Variants in TSPAN16 observed in about 807,000 individuals in gnomAD.
TSPAN16 encodes the protein tetraspanin-16.
In TSPAN16, 23 loss-of-function variants were observed where a neutral mutation model predicts 25.2. The observed-to-expected ratio is 0.91, with a 90% CI of 0.66 to 1.29. The LOEUF (loss-of-function observed/expected upper bound fraction) is 1.29. TSPAN16 is among the 50% of genes most tolerant of loss of function. TSPAN16 has a pLI of 0.00. For synonymous variants in TSPAN16, 123 were observed against 124.4 expected, an observed-to-expected ratio of 0.99 and a Z score of 0.08; for missense variants, 272 against 299.9, an observed-to-expected ratio of 0.91 and a Z score of 0.69.
Position 11,296,202 on chromosome 19 carries a change from G to C in TSPAN16, c.-96G>C. On this transcript the variant is annotated 5_prime_UTR_variant, in exon 1 of 7. Coordinates refer to ENST00000590327, the MANE Select transcript of TSPAN16 (RefSeq NM_001282509.2). ...AGGGGCAGAGCAAGTCAGCATTGGC[G>C]CCCCTTCCTCAGATCCCTATCATCT... The C allele has an allele frequency of 1.5e-6, 2 of 1,323,760 alleles. No individual in the cohort carries two copies. The highest frequency in any genetic ancestry group is 2.1e-6 in the Non-Finnish European group (2 of 934,482). 82.0% of individuals were successfully genotyped at this position (1,323,760 alleles called of 1,614,324 possible).
chr19:11,298,411 A>G, intron 2 of TSPAN16, 72 bp downstream of exon 2: 1 of 1,483,432 alleles, frequency 6.7e-7, no homozygotes. Context: ...TGCGTGTTGC[A>G]AACAACTTTG....
chr19:11,296,907 G>A (rs1304960263), intron 1 of TSPAN16, among the ~76,000 whole-genome samples: 2 of 152,086 alleles, frequency 1.3e-5, no homozygotes, highest in Admixed American at 1.3e-4. Flanking sequence ...GGGCGTGGTG[G>A]CACGTGCCTA....
rs142328046 is a variant in TSPAN16, at chr19:11,325,442, C to T, written c.688-1352C>T. 1.5e-4 allele frequency: 235 copies of T among 1,608,230 alleles called. 1 individual carries two copies. The African/African-American group carries it at 2.4e-3, about 16-fold the overall frequency. The stretch of plus-strand genomic sequence containing the variant: ...GGCTGGGGGGCTGGAGCATCCCCCA[C>T]GGCCGGGCCTTTCCCGTTGCTGCCT... On this transcript the variant is annotated intron_variant, in intron 6 of 6. Transcript: ENST00000316737.
At chr19:11,308,295 C>T (rs549987166) in intron 5 of TSPAN16, among the ~76,000 whole-genome samples, 1 of 126,104 alleles carries the variant, frequency 7.9e-6, no homozygotes, top group South Asian at 2.4e-4. Context: ...CCCATCACAA[C>T]AACAACAAAT....
intron 3 of TSPAN16, among the ~76,000 whole-genome samples, chr19:11,299,729 CT>C (rs1308041155): frequency 6.6e-6 from 1 of 151,968 alleles, no homozygotes; most frequent in African/African-American, 2.4e-5. Flanking sequence ...AATCCCAGCA[CT>C]TTGGGAGGCC....
At chr19:11,313,273 G>A (rs776111510) in intron 6 of TSPAN16, among the ~76,000 whole-genome samples, 2 of 152,130 alleles carry the variant, frequency 1.3e-5, no homozygotes, top group Non-Finnish European at 2.9e-5. Flanking sequence ...CAGAATTTTG[G>A]GAGGCTGAGG....
chr19:11,314,036 G>A (rs2080720457), intron 6 of TSPAN16, among the ~76,000 whole-genome samples: 1 of 152,082 alleles, frequency 6.6e-6, no homozygotes, highest in Non-Finnish European at 1.5e-5. Flanking sequence ...AAAACTTATT[G>A]ATATATGCTA....
chr19:11,326,878 G>C (rs1225743707), exon 7 of TSPAN16: 1 of 595,126 alleles, frequency 1.7e-6, no homozygotes, highest in Non-Finnish European at 3.0e-6. Context: ...CCAAAGTGCT[G>C]GGTTTACCAG....
chr19:11,314,276 A>G (rs2080722934), intron 6 of TSPAN16, among the ~76,000 whole-genome samples: 1 of 152,204 alleles, frequency 6.6e-6, no homozygotes, highest in Admixed American at 6.6e-5. Flanking sequence ...TAGTGATGGT[A>G]GCCCAACTCT....
At chr19:11,319,907 C>T (rs560127332), downstream of TSPAN16, among the ~76,000 whole-genome samples, 559 of 152,212 alleles carry the variant, frequency 3.7e-3, 1 homozygote, top group South Asian at 0.01. Context: ...CTCCACCTCC[C>T]GGGTTCACGC....
intron 4 of TSPAN16, among the ~76,000 whole-genome samples, chr19:11,302,660 C>CATATATATATTTTATATATATATATAT (rs1320880788): frequency 1.0e-5 from 1 of 97,820 alleles, no homozygotes; most frequent in African/African-American, 5.3e-5. Flanking sequence ...TATACACATA[C>CATATATATATTTTATATATATATATAT]ATATATATAT....
chr19:11,298,535 A>G (rs1225125140), intron 2 of TSPAN16, among the ~76,000 whole-genome samples, 196 bp downstream of exon 2: 1 of 151,648 alleles, frequency 6.6e-6, no homozygotes, highest in East Asian at 1.9e-4. Context: ...CCCAGGTTCA[A>G]GCGATTCTCC....
intron 6 of TSPAN16, among the ~76,000 whole-genome samples, chr19:11,315,060 AC>A (rs2080731588): frequency 6.6e-6 from 1 of 150,510 alleles, no homozygotes; most frequent in African/African-American, 2.4e-5. Context: ...ACATGGTGAA[AC>A]CCCATCTCTA....
chr19:11,325,844 C>T (rs1392538461), intron 6 of TSPAN16, among the ~76,000 whole-genome samples: 3 of 152,132 alleles, frequency 2.0e-5, no homozygotes, highest in Admixed American at 1.3e-4. Context: ...GAAGCTACGG[C>T]GGGAGGATCG....
At chr19:11,307,429 T>A (rs1168092135) in intron 5 of TSPAN16, among the ~76,000 whole-genome samples, 1 of 147,356 alleles carries the variant, frequency 6.8e-6, no homozygotes, top group Non-Finnish European at 1.5e-5. Flanking sequence ...CTTATTTTTA[T>A]TTTTTTAGAG....
chr19:11,299,580 CAA>C (rs1430523793), intron 3 of TSPAN16, among the ~76,000 whole-genome samples: 1 of 152,156 alleles, frequency 6.6e-6, no homozygotes, highest in Non-Finnish European at 1.5e-5. Context: ...ATCCAAATGA[CAA>C]AAGCTTCAGC....
At chr19:11,320,893 G>A (rs999006607), downstream of TSPAN16, among the ~76,000 whole-genome samples, 46 of 151,996 alleles carry the variant, frequency 3.0e-4, no homozygotes, top group African/African-American at 8.9e-4. Context: ...AGGTTTGCCC[G>A]TGTACGGTGG....
At chr19:11,308,391 C>G (rs1290745623) in intron 5 of TSPAN16, among the ~76,000 whole-genome samples, 1 of 152,112 alleles carries the variant, frequency 6.6e-6, no homozygotes, top group Non-Finnish European at 1.5e-5. Context: ...CTCCGCCTCC[C>G]AGGTTCAGGT....
downstream of TSPAN16, among the ~76,000 whole-genome samples, chr19:11,320,946 A>G (rs543847928): frequency 1.3e-5 from 2 of 152,216 alleles, no homozygotes; most frequent in Admixed American, 6.5e-5. Flanking sequence ...CAAGGTGGGC[A>G]GATCATGAGG....
Sources: gnomAD v4.1 joint callset for allele counts (sites outside exome capture counted in the v4.1 genomes callset) on GRCh38, gnomAD v4.1.1 for gene constraint, MANE v1.5 for transcripts, NCBI Gene and HGNC (gene_info 2026-07-23, HGNC 2026-07-21) for gene names.